Variants in UGT2A3 observed in about 807,000 individuals in gnomAD.
UGT2A3 encodes the protein UDP-glucuronosyltransferase 2A3.
A neutral mutation model predicts 44.1 loss-of-function variants in UGT2A3; 55 were observed. That is an observed-to-expected ratio of 1.25 (90% CI 1.00 to 1.56). The LOEUF is 1.56. Ranked by LOEUF, UGT2A3 falls within the 40% of genes most tolerant of loss-of-function variation. The pLI is 0.00. For synonymous variants in UGT2A3, 243 were observed against 215.1 expected (o/e 1.13, Z -1.13); for missense variants, 733 against 621.6 (o/e 1.18, Z -1.91).
chr4:68,951,058 T>C lies in UGT2A3; in HGVS notation c.703A>G (p.Ser235Gly). The C allele has an allele frequency of 6.3e-7, 1 of 1,583,618 alleles. No homozygotes were observed. ...YDYHFWEEFY[S>G]KALGRPTTLC... ...AAAAGTGTCTTACCTAATGCCTTAC[T>C]ATAAAACTCTTCCCAAAAATGATAG... Residue 235 changes from serine (S) to glycine (G), a missense_variant, in exon 1 of 6, where the codon AGT (serine) becomes GGT (glycine). Physicochemically the swap from Ser to Gly is moderately conservative, Grantham distance 56. Transcript: ENST00000251566.
At chr4:68,950,520 G>A (rs780304310) in intron 1 of UGT2A3, among the ~76,000 whole-genome samples, 1 of 151,940 alleles carries the variant, frequency 6.6e-6, no homozygotes, top group South Asian at 2.1e-4. Flanking sequence ...TATCAGTAAA[G>A]TAAAAATTCT....
chr4:68,931,444 A>G (rs1000361683), intron 3 of UGT2A3, among the ~76,000 whole-genome samples: 1 of 152,108 alleles, frequency 6.6e-6, no homozygotes, highest in Non-Finnish European at 1.5e-5. Flanking sequence ...CCAGTTGCCT[A>G]TTAGGTATGC....
At chr4:68,933,298 C>A (rs1717809290) in intron 2 of UGT2A3, among the ~76,000 whole-genome samples, 1 of 152,036 alleles carries the variant, frequency 6.6e-6, no homozygotes, top group African/African-American at 2.4e-5. Context: ...CACATCACCC[C>A]ATTCTCCAAA....
chr4:68,940,669 C>T (rs1718150176), intron 2 of UGT2A3, among the ~76,000 whole-genome samples: 1 of 150,620 alleles, frequency 6.6e-6, no homozygotes, highest in Non-Finnish European at 1.5e-5. Flanking sequence ...ACATCCTGCA[C>T]ATGTACCCTT....
chr4:68,947,554 A>G (rs1055320197), intron 1 of UGT2A3, among the ~76,000 whole-genome samples: 3 of 151,756 alleles, frequency 2.0e-5, no homozygotes, highest in Non-Finnish European at 2.9e-5. Context: ...TAATATGTTG[A>G]CTTCCTCTCA....
At chr4:68,938,916 A>G (rs552977175) in intron 2 of UGT2A3, among the ~76,000 whole-genome samples, 1 of 152,274 alleles carries the variant, frequency 6.6e-6, no homozygotes, top group African/African-American at 2.4e-5. Context: ...TAACAGACAA[A>G]CAGCCAAATC....
Position 68,930,709 on chromosome 4 carries a change from C to G in UGT2A3, c.1141G>C (p.Ala381Pro). The G allele has an allele frequency of 6.2e-7, 1 of 1,612,572 alleles. No homozygotes were observed. Among genetic ancestry groups the G allele is most frequent in the Non-Finnish European group, 8.5e-7 (1 of 1,179,236 alleles). Residue 381 changes from alanine to proline, a missense_variant, in exon 5 of 6, where the codon GCT becomes CCT. Physicochemically the swap from Ala to Pro is conservative, Grantham distance 27. Coordinates refer to ENST00000251566, the MANE Select transcript of UGT2A3 (RefSeq NM_024743.4). Reference sequence around the variant, plus strand: ...ACCATAGGGACCCCATGGTAAATAGCTTCATAGATCCCATTCATTCCACCA... The same window carrying G: ...ACCATAGGGACCCCATGGTAAATAGGTTCATAGATCCCATTCATTCCACCA... ...THGGMNGIYE[A>P]IYHGVPMVGV...
intron 2 of UGT2A3, among the ~76,000 whole-genome samples, chr4:68,944,465 A>G (rs1012759374): frequency 2.0e-5 from 3 of 151,832 alleles, no homozygotes; most frequent in African/African-American, 7.2e-5. Context: ...AAAAAACTAT[A>G]ACAACTATTA....
Position 68,932,724 on chromosome 4 carries a change from A to G in UGT2A3, c.900T>C (p.Asp300=), listed in dbSNP as rs1221298873. 1 of 1,611,616 alleles carries G rather than the reference A, an allele frequency of 6.2e-7. No homozygotes were observed. The highest frequency in any genetic ancestry group is 1.1e-5 in the South Asian group (1 of 90,874). ...ACCCCAGAGAAAACACCACAATACC[A>G]TCTTCCCCTGAACTCTGGACAAAAT... ...MENFVQSSGE[D]GIVVFSLGSL... is the part of the protein sequence containing the mutation. Residue 300 remains aspartate, a synonymous_variant, in exon 3 of 6, where the codon GAT becomes GAC. Coordinates refer to ENST00000251566, the MANE Select transcript of UGT2A3 (RefSeq NM_024743.4).
rs769487626 is a variant in UGT2A3 at position 68,951,609 on chromosome 4, T to C, written c.152A>G (p.His51Arg). ...TGAGTGAGTCAATACTGTTACCTCA[T>C]GGCCTCTCACTATGAGCTCTTCTAG... The part of the protein sequence containing the change: ...VILEELIVRG[H>R]EVTVLTHSKP... Residue 51 changes from histidine to arginine, a missense_variant, in exon 1 of 6, where the codon CAT (histidine) becomes CGT (arginine). By Grantham distance (29) the His-to-Arg change is conservative. Coordinates refer to ENST00000251566, the MANE Select transcript of UGT2A3 (RefSeq NM_024743.4). The C allele has an allele frequency of 7.4e-6, 12 of 1,612,846 alleles. No individual in the cohort carries two copies. In the East Asian group the frequency reaches 2.2e-4, roughly 30 times the overall value.
At position 68,932,760 on chromosome 4, in the gene UGT2A3, C is replaced by A; in HGVS notation, c.865-1G>T. The A allele has an allele frequency of 6.2e-7, 1 of 1,604,284 alleles. No homozygotes were observed. Among genetic ancestry groups the A allele is most frequent in the Non-Finnish European group, 8.5e-7 (1 of 1,175,526 alleles). On this transcript the variant is annotated splice_acceptor_variant, in intron 2 of 5. Coordinates refer to ENST00000251566, the MANE Select transcript of UGT2A3 (RefSeq NM_024743.4). LOFTEE classifies it high-confidence loss of function. The stretch of plus-strand genomic sequence containing the variant: ...AACTCTGGACAAAATTTTCCATTTC[C>A]TGAAGATAAAAATTTATCTGCATTA...
intron 1 of UGT2A3, among the ~76,000 whole-genome samples, chr4:68,950,111 A>T (rs1718525686): frequency 6.6e-6 from 1 of 151,930 alleles, no homozygotes; most frequent in Non-Finnish European, 1.5e-5. Flanking sequence ...ATCTGAATGT[A>T]GACTTGAGGC....
rs762115720 is a variant in UGT2A3, at chr4:68,951,372, T to C, written c.389A>G (p.Tyr130Cys). The change falls in exon 1 of 6, where the codon TAC (tyrosine) becomes TGC (cysteine). Residue 130 changes from tyrosine (Y) to cysteine (C), a missense_variant. Tyr to Cys is a radical substitution (Grantham distance 194). Coordinates refer to ENST00000251566, the MANE Select transcript of UGT2A3 (RefSeq NM_024743.4). ...TLKMMCESFI[Y>C]NQTLMKKLQE... ...TAGCTTCTTCATAAGCGTCTGATTG[T>C]AGATAAAGCTCTCACACATCATTTT... 4.3e-6 allele frequency: 7 copies of C among 1,612,572 alleles called. No homozygotes were observed. The highest frequency in any genetic ancestry group is 5.9e-6 in the Non-Finnish European group (7 of 1,179,270).
intron 2 of UGT2A3, among the ~76,000 whole-genome samples, chr4:68,937,135 TG>T (rs1717984312): frequency 6.6e-6 from 1 of 152,020 alleles, no homozygotes; most frequent in South Asian, 2.1e-4. Flanking sequence ...AACACCCCAC[TG>T]TTGTTATTAG....
chr4:68,940,403 A>G (rs1373814788), intron 2 of UGT2A3, among the ~76,000 whole-genome samples: 16 of 152,092 alleles, frequency 1.1e-4, no homozygotes, highest in Non-Finnish European at 1.5e-5. Flanking sequence ...TTTGAGGGAC[A>G]TGGATGAAGC....
Position 68,950,973 on chromosome 4 carries a change from T to C in UGT2A3, c.715+73A>G, listed in dbSNP as rs150350309. 140 of 1,103,434 alleles carry C rather than the reference T, an allele frequency of 1.3e-4. No individual in the cohort carries two copies. In the African/African-American group the frequency reaches 2.0e-3, roughly 15 times the overall value. 68.4% of individuals were successfully genotyped at this position (1,103,434 alleles called of 1,614,324 possible). On this transcript the variant is annotated intron_variant, in intron 1 of 5. Coordinates refer to ENST00000251566, the MANE Select transcript of UGT2A3 (RefSeq NM_024743.4). ...CTCATTGACCTGCATATATATGTCATAGACAATGTATGACAATTTTTAAAA... is the reference window on the plus strand; with the variant it reads ...CTCATTGACCTGCATATATATGTCACAGACAATGTATGACAATTTTTAAAA...
rs148798717 is a variant in UGT2A3, at chr4:68,945,390, C to T, written c.780G>A (p.Trp260Ter). Residue 260 changes from tryptophan to a stop codon, truncating the protein, a stop_gained, in exon 2 of 6, where the codon TGG becomes TGA. Coordinates refer to ENST00000251566, the MANE Select transcript of UGT2A3 (RefSeq NM_024743.4). LOFTEE classifies it high-confidence loss of function. ...GGTATGGTTGAGGAAATTCAAAATCCCAATATGTTCGTATTAGCCATATCT... is the reference window on the plus strand; with the variant it reads ...GGTATGGTTGAGGAAATTCAAAATCTCAATATGTTCGTATTAGCCATATCT... ...KAEIWLIRTY[W>*]DFEFPQPYQP... The T allele has an allele frequency of 6.2e-7, 1 of 1,611,280 alleles. No individual in the cohort carries two copies.
At chr4:68,931,360 G>T in intron 3 of UGT2A3, 118 bp from the exon 4 acceptor site, 7 of 739,168 alleles carry the variant, frequency 9.5e-6, no homozygotes, top group Non-Finnish European at 1.3e-5. Context: ...TGAGACAGGG[G>T]TGTGTAGAGC....
At position 68,932,989 on chromosome 4, in the gene UGT2A3, C is replaced by G. The variant is rs181124614; in HGVS notation, c.865-230G>C. Among the ~76,000 whole-genome samples, 10 of 152,026 alleles carry G rather than the reference C, an allele frequency of 6.6e-5. 1 individual carries two copies. In the East Asian group the frequency reaches 1.9e-3, roughly 30 times the overall value. On this transcript the variant is annotated intron_variant, in intron 2 of 5. Coordinates refer to ENST00000251566, the MANE Select transcript of UGT2A3 (RefSeq NM_024743.4). The stretch of plus-strand genomic sequence containing the variant: ...TACTAGAAAAGGCGCACAACCAAAA[C>G]AGTATGCAAAAAGTTTCAGTAATGA...
Sources: allele counts gnomAD v4.1 joint callset (sites outside exome capture counted in the v4.1 genomes callset), GRCh38; gene constraint gnomAD v4.1.1; transcripts MANE v1.5; gene names NCBI Gene and HGNC (gene_info 2026-07-23, HGNC 2026-07-21).